Variants in ELP4 observed in about 807,000 individuals in gnomAD.
ELP4 encodes the protein elongator acetyltransferase complex subunit 4.
A neutral mutation model predicts 48.9 loss-of-function variants in ELP4; 51 were observed. That is an observed-to-expected ratio of 1.04 (90% CI 0.83 to 1.32). ELP4 has a LOEUF of 1.32. Among genes scored for constraint, ELP4 ranks in the 40% most tolerant of loss-of-function variants. The pLI is 0.00. For synonymous variants in ELP4, 210 were observed against 189.2 expected (o/e 1.11, Z -0.90); for missense variants, 519 against 514.6 (o/e 1.01, Z -0.08).
At chr11:31,642,331 C>T (rs1371363820) in intron 7 of ELP4, among the ~76,000 whole-genome samples, 1 of 151,642 alleles carries the variant, frequency 6.6e-6, no homozygotes, top group East Asian at 1.9e-4. Context: ...ACAATGTGTT[C>T]TTAAAAAAAG....
intron 5 of ELP4, 79 bp from the exon 6 acceptor site, chr11:31,627,031 A>G (rs1025302537): frequency 1.4e-5 from 11 of 762,640 alleles, no homozygotes; most frequent in Non-Finnish European, 2.5e-5. Context: ...TTAATTATTT[A>G]CTTAATGTTT....
intron 3 of ELP4, among the ~76,000 whole-genome samples, chr11:31,549,134 A>T (rs1467793231): frequency 1.3e-5 from 2 of 151,808 alleles, no homozygotes; most frequent in Non-Finnish European, 2.9e-5. Flanking sequence ...AAATTGACAA[A>T]TGGGATCTAA....
At chr11:31,565,917 C>T (rs2973130) in intron 3 of ELP4, among the ~76,000 whole-genome samples, 59,070 of 151,940 alleles carry the variant, frequency 0.39, 15,040 homozygotes, top group African/African-American at 0.72. Flanking sequence ...AAGAAAGTCA[C>T]TGGTAGCTTG....
rs547560882 is a variant in ELP4, at chr11:31,516,658, AT to A, written c.224-3393del. ...CTACAGGTGGCAGCACGCCTTGCTAATTTTTGTATTTTTTGTAGAGATGGAG... is the reference window on the plus strand; with the variant it reads ...CTACAGGTGGCAGCACGCCTTGCTAATTTTGTATTTTTTGTAGAGATGGAG... On this transcript the variant is annotated intron_variant, in intron 1 of 9. Transcript: ENST00000640961. Among the ~76,000 whole-genome samples the A allele has an allele frequency of 5.9e-5, 9 of 151,916 alleles. No homozygotes were observed. In the South Asian group the frequency reaches 1.0e-3, roughly 18 times the overall value.
intron 3 of ELP4, among the ~76,000 whole-genome samples, chr11:31,549,813 A>T (rs184215246): frequency 6.6e-6 from 1 of 152,236 alleles, no homozygotes; most frequent in Non-Finnish European, 1.5e-5. Flanking sequence ...AGCCACAAAA[A>T]ATGATGAGTT....
In ELP4 at chr11:31,741,181, G is replaced by A. The variant is rs186670409; in HGVS notation, c.1144-42212G>A. 6.2e-3 allele frequency among the ~76,000 whole-genome samples: 947 copies of A among 152,244 alleles called. 10 individuals carry two copies. The highest frequency in any genetic ancestry group is 0.022 in the African/African-American group (896 of 41,550). ...CGAGATCAAACTGCAAGGTGGCAGCGAGGCTAGGGGAGGGGCGCCCGCCAT... is the reference window on the plus strand; with the variant it reads ...CGAGATCAAACTGCAAGGTGGCAGCAAGGCTAGGGGAGGGGCGCCCGCCAT... On this transcript the variant is annotated intron_variant, in intron 9 of 9. Coordinates refer to ENST00000640961, the MANE Select transcript of ELP4 (RefSeq NM_019040.5).
Position 31,786,169 on chromosome 11 carries a change from A to G in ELP4, c.*2645A>G. The G allele has an allele frequency of 4.9e-6, 1 of 204,176 alleles. No individual in the cohort carries two copies. Among genetic ancestry groups the G allele is most frequent in the Non-Finnish European group, 1.0e-5 (1 of 99,540 alleles). The allele number at this position is 204,176 out of a possible 1,614,324, so 12.6% of individuals were successfully genotyped here. A position where few individuals can be genotyped will look rare whatever the true frequency, so the allele number is the denominator to read the frequency against. On this transcript the variant is annotated 3_prime_UTR_variant, in exon 10 of 10. Transcript: ENST00000640961. ...TTTAAATACTAACAGTAGACAAAAT[A>G]AAACTACTTTAGAAGGAAGCGACAC...
chr11:31,656,631 G>A (rs1945440608), intron 9 of ELP4, among the ~76,000 whole-genome samples: 1 of 151,908 alleles, frequency 6.6e-6, no homozygotes, highest in South Asian at 2.1e-4. Context: ...TTTAAGAAAA[G>A]TTGCACGAAG....
chr11:31,528,841 A>G (rs1217504599), intron 2 of ELP4, among the ~76,000 whole-genome samples: 2 of 152,096 alleles, frequency 1.3e-5, no homozygotes, highest in African/African-American at 4.8e-5. Context: ...AGAAAGTTGG[A>G]TTTTCTGGCA....
At chr11:31,682,647 T>C (rs1274528772) in intron 9 of ELP4, among the ~76,000 whole-genome samples, 1 of 152,214 alleles carries the variant, frequency 6.6e-6, no homozygotes, top group Admixed American at 6.5e-5. Flanking sequence ...CTTTTGTGAA[T>C]ATACAAATAT....
chr11:31,590,261 C>G (rs1347293558), intron 3 of ELP4, among the ~76,000 whole-genome samples: 1 of 152,054 alleles, frequency 6.6e-6, no homozygotes. Flanking sequence ...TATATGTACT[C>G]TTGTTATTGT....
intron 3 of ELP4, among the ~76,000 whole-genome samples, chr11:31,560,777 T>C (rs1957013264): frequency 6.6e-6 from 1 of 151,546 alleles, no homozygotes. Flanking sequence ...TACCACATAA[T>C]GTTTCAGTCA....
intron 9 of ELP4, among the ~76,000 whole-genome samples, chr11:31,738,645 A>C (rs1451377858): frequency 1.3e-5 from 2 of 151,752 alleles, no homozygotes; most frequent in African/African-American, 4.8e-5. Flanking sequence ...TGGAGGTGGG[A>C]GGATTGCTTG....
intron 5 of ELP4, among the ~76,000 whole-genome samples, chr11:31,612,517 C>T (rs1204803808): frequency 6.6e-6 from 1 of 151,914 alleles, no homozygotes; most frequent in Non-Finnish European, 1.5e-5. Context: ...GGACAAAGAA[C>T]AAAGAAGTTT....
chr11:31,724,425 A>C (rs1480992073), intron 9 of ELP4, among the ~76,000 whole-genome samples: 1 of 152,264 alleles, frequency 6.6e-6, no homozygotes. Flanking sequence ...TAAAATATTA[A>C]CTAATTATAA....
At chr11:31,678,666 C>T (rs1023664217) in intron 9 of ELP4, among the ~76,000 whole-genome samples, 2 of 152,118 alleles carry the variant, frequency 1.3e-5, no homozygotes, top group Non-Finnish European at 2.9e-5. Context: ...TACTAAAGAA[C>T]ATCTTGGTTG....
chr11:31,772,119 T>TC (rs1948158243), intron 9 of ELP4, among the ~76,000 whole-genome samples: 1 of 109,652 alleles, frequency 9.1e-6, no homozygotes, highest in Admixed American at 9.5e-5. Context: ...ATTATTTTCT[T>TC]CTTTTTTTTT....
rs879170473 is a variant in ELP4, at chr11:31,786,693, G to GT, written c.*3169_*3170insT. 8.9e-6 allele frequency: 2 copies of GT among 224,768 alleles called. No individual in the cohort carries two copies. Among genetic ancestry groups the GT allele is most frequent in the South Asian group, 3.7e-4 (2 of 5,438 alleles). The allele number at this position is 224,768 out of a possible 1,614,324, so 13.9% of individuals were successfully genotyped here. On this transcript the variant is annotated 3_prime_UTR_variant, in exon 10 of 10. Transcript: ENST00000640961. Reference sequence around the variant, plus strand: ...TTAGGAAACCTAGTGATGATAGTAAGAAGAAATGGCAGTGAGCTGTAGCAA... The same window carrying GT: ...TTAGGAAACCTAGTGATGATAGTAAGTAAGAAATGGCAGTGAGCTGTAGCAA...
In ELP4 at chr11:31,539,704, A is replaced by G; in HGVS notation, c.302A>G (p.Tyr101Cys). The change falls in exon 3 of 10, where the codon TAT becomes TGT. Residue 101 changes from tyrosine to cysteine, a missense_variant. Coordinates refer to ENST00000640961, the MANE Select transcript of ELP4 (RefSeq NM_019040.5). ...YNIYSPLLFK[Y>C]FLAEGIVNGH... ...ATTTACTCACCTTTGCTCTTCAAGT[A>G]TTTCCTGGCAGAAGGAATTGTCAAT... 1 of 1,610,536 alleles carries G rather than the reference A, an allele frequency of 6.2e-7. No individual in the cohort carries two copies. The highest frequency in any genetic ancestry group is 8.5e-7 in the Non-Finnish European group (1 of 1,178,264).
Sources: allele counts gnomAD v4.1 joint callset (sites outside exome capture counted in the v4.1 genomes callset), GRCh38; gene constraint gnomAD v4.1.1; transcripts MANE v1.5; gene names NCBI Gene and HGNC (gene_info 2026-07-23, HGNC 2026-07-21).